Variants in HGFAC observed in about 807,000 individuals in gnomAD.
HGFAC encodes the protein hepatocyte growth factor activator serine protease.
HGFAC carries 76 observed loss-of-function variants against 70.6 expected under a neutral mutation model. The observed-to-expected ratio is 1.08, with a 90% CI of 0.89 to 1.30. The LOEUF (loss-of-function observed/expected upper bound fraction) is 1.30. Ranked by LOEUF, HGFAC falls within the 50% of genes most tolerant of loss-of-function variation. The pLI is 0.00. For missense variants in HGFAC, 1,044 were observed against 933.7 expected (o/e 1.12, Z -1.54); for synonymous variants, 464 against 405.3 (o/e 1.14, Z -1.74).
chr4:3,447,579 G>C lies in HGFAC; in HGVS notation c.1443G>C (p.Lys481Asn), dbSNP rs780276090. The part of the protein sequence containing the change: ...TDVTQTFGIE[K>N]YIPYTLYSVF... ...TGACGCAGACCTTCGGCATCGAGAA[G>C]TACATCCCGTACACCCTGTACTCGG... Residue 481 changes from lysine to asparagine, a missense_variant, in exon 11 of 14, where the codon AAG (lysine) becomes AAC (asparagine). Lys to Asn is a moderately conservative substitution (Grantham distance 94, BLOSUM62 0). Coordinates refer to ENST00000382774, the MANE Select transcript of HGFAC (RefSeq NM_001528.4). 3 of 1,612,708 alleles carry C rather than the reference G, an allele frequency of 1.9e-6. No homozygotes were observed. The highest frequency in any genetic ancestry group is 1.7e-6 in the Non-Finnish European group (2 of 1,179,918).
In HGFAC at chr4:3,442,051, G is replaced by A; in HGVS notation, c.50G>A (p.Gly17Asp). The A allele has an allele frequency of 1.3e-6, 2 of 1,545,090 alleles. No homozygotes were observed. Among genetic ancestry groups the A allele is most frequent in the South Asian group, 1.2e-5 (1 of 82,852 alleles). Reference protein sequence around the residue: ...VPSPWPPPGLGPFLLLLLLLL... With the variant: ...VPSPWPPPGLDPFLLLLLLLL... ...AGCCCCTGGCCCCCACCGGGGCTGG[G>A]CCCCTTCCTCCTCCTCCTCCTGCTG... is the stretch of plus-strand genomic sequence containing the variant. Residue 17 changes from glycine (G) to aspartate (D), a missense_variant, in exon 1 of 14, where the codon GGC becomes GAC. By Grantham distance (94) the Gly-to-Asp change is moderately conservative. Coordinates refer to ENST00000382774, the MANE Select transcript of HGFAC (RefSeq NM_001528.4).
At chr4:3,445,897 G>A (rs1725490606) in intron 9 of HGFAC, 145 bp from the exon 10 acceptor site, 1 of 1,548,890 alleles carries the variant, frequency 6.5e-7, no homozygotes, top group Admixed American at 2.0e-5. Flanking sequence ...GAGGGCAGAG[G>A]TGAGTGGGCG....
chr4:3,446,393 G>A, intron 10 of HGFAC, 99 bp downstream of exon 10: 4 of 1,440,240 alleles, frequency 2.8e-6, no homozygotes, highest in Non-Finnish European at 3.7e-6. Flanking sequence ...CCCCATCCCG[G>A]TGCCTCTGCT....
intron 10 of HGFAC, 150 bp downstream of exon 10, chr4:3,446,444 C>G (rs1373626789): frequency 2.0e-6 from 2 of 987,740 alleles, no homozygotes; most frequent in Non-Finnish European, 2.9e-6. Context: ...TCTGACCCCT[C>G]TGGGTCTTGG....
chr4:3,441,613 T>C (rs1023903436), upstream of HGFAC, among the ~76,000 whole-genome samples: 2 of 152,222 alleles, frequency 1.3e-5, no homozygotes, highest in Non-Finnish European at 2.9e-5. This position sits in a 1 kb window ranked among gnomAD's most constrained non-coding sequence, Gnocchi z 6.0. Flanking sequence ...GTAGTGGCTC[T>C]CATCATGGAC....
At chr4:3,444,475 C>T in intron 6 of HGFAC, 33 bp downstream of exon 6, 3 of 1,557,422 alleles carry the variant, frequency 1.9e-6, no homozygotes, top group Non-Finnish European at 2.6e-6. Flanking sequence ...TGCCACTGAC[C>T]CCTGACGGGT....
chr4:3,447,246 G>T (rs909324160), intron 10 of HGFAC, among the ~76,000 whole-genome samples: 2 of 152,164 alleles, frequency 1.3e-5, no homozygotes, highest in African/African-American at 4.8e-5. Flanking sequence ...GACCAGTGTT[G>T]TCAGGAGGGA....
In HGFAC at chr4:3,447,906, C is replaced by A. The variant is rs1284282704; in HGVS notation, c.1507C>A (p.Leu503Met). Residue 503 changes from leucine to methionine, a missense_variant, in exon 12 of 14, where the codon CTG becomes ATG. Physicochemically the swap from Leu to Met is conservative, Grantham distance 15. Transcript: ENST00000382774. ...ACTCTTCTGATCAGTCCTGATCCGG[C>A]TGAAGAAGAAAGGGGACCGCTGTGC... ...PSDHDLVLIR[L>M]KKKGDRCATR... 1.9e-6 allele frequency: 3 copies of A among 1,611,282 alleles called. No individual in the cohort carries two copies. Among genetic ancestry groups the A allele is most frequent in the Admixed American group, 3.3e-5 (2 of 59,868 alleles).
At position 3,447,993 on chromosome 4, in the gene HGFAC, G is replaced by C; in HGVS notation, c.1594G>C (p.Gly532Arg). The C allele has an allele frequency of 6.3e-7, 1 of 1,576,380 alleles. No individual in the cohort carries two copies. Among genetic ancestry groups the C allele is most frequent in the Non-Finnish European group, 8.6e-7 (1 of 1,161,766 alleles). The change falls in exon 12 of 14, where the codon GGA becomes CGA. Residue 532 changes from glycine (G) to arginine (R), a missense_variant. Physicochemically the swap from Gly to Arg is moderately radical, Grantham distance 125. Transcript: ENST00000382774. ...LPEPGSTFPA[G>R]HKCQIAGWGH... ...CGAGCCCGGCAGCACCTTCCCCGCAGGACACAAGTGCCAGATTGCGGGCTG... is the reference window on the plus strand; with the variant it reads ...CGAGCCCGGCAGCACCTTCCCCGCACGACACAAGTGCCAGATTGCGGGCTG...
Position 3,444,179 on chromosome 4 carries a change from GGT to G in HGFAC, c.598+19_598+20del. 2 of 1,586,642 alleles carry G rather than the reference GGT, an allele frequency of 1.3e-6. No homozygotes were observed. The highest frequency in any genetic ancestry group is 1.7e-6 in the Non-Finnish European group (2 of 1,167,762). ...CGGCACAGGTGAGCTGGGCCTCGGA[GGT>G]CCGCAGGGGTCCAGGGGCCGGAGCA... On this transcript the variant is annotated intron_variant, in intron 5 of 13. Coordinates refer to ENST00000382774, the MANE Select transcript of HGFAC (RefSeq NM_001528.4).
intron 13 of HGFAC, among the ~76,000 whole-genome samples, chr4:3,448,642 A>G (rs1289650239): frequency 2.7e-5 from 4 of 145,704 alleles, no homozygotes; most frequent in African/African-American, 1.1e-4. Context: ...TCAACCTTCA[A>G]TAAGTTCTTC....
chr4:3,448,360 C>T, intron 13 of HGFAC, 84 bp downstream of exon 13: 4 of 1,495,234 alleles, frequency 2.7e-6, no homozygotes, highest in Non-Finnish European at 3.6e-6. Flanking sequence ...CCCTGGGGAG[C>T]CCAGAGCCTG....
intron 10 of HGFAC, 134 bp downstream of exon 10, chr4:3,446,428 A>C: frequency 9.3e-7 from 1 of 1,080,896 alleles, no homozygotes; most frequent in South Asian, 1.6e-5. Flanking sequence ...GTCCCCGGTA[A>C]CCCTCTCTGA....
chr4:3,446,561 A>G (rs16844391), intron 10 of HGFAC, among the ~76,000 whole-genome samples: 3,984 of 152,144 alleles, frequency 0.026, 158 homozygotes, highest in African/African-American at 0.089. Flanking sequence ...GCCTGCGGAG[A>G]GTGCAGTGGG....
At chr4:3,448,341 G>A (rs1211341753) in intron 13 of HGFAC, 65 bp downstream of exon 13, 4 of 1,549,694 alleles carry the variant, frequency 2.6e-6, no homozygotes, top group Admixed American at 1.8e-5. Context: ...GAGTCTCCGA[G>A]ATGCTTGCCC....
chr4:3,447,621 C>T lies in HGFAC; in HGVS notation c.1485C>T (p.Asp495=). The part of the protein sequence containing the change: ...YTLYSVFNPS[D]HDLVLIRLKK... ...TGTACTCGGTGTTCAACCCCAGCGACCACGACCTCGGTGAGCTCCGGCGTG... is the reference window on the plus strand; with the variant it reads ...TGTACTCGGTGTTCAACCCCAGCGATCACGACCTCGGTGAGCTCCGGCGTG... Residue 495 remains aspartate (D), a synonymous_variant, in exon 11 of 14, where the codon GAC becomes GAT. Coordinates refer to ENST00000382774, the MANE Select transcript of HGFAC (RefSeq NM_001528.4). 2 of 1,612,650 alleles carry T rather than the reference C, an allele frequency of 1.2e-6. No individual in the cohort carries two copies. Among genetic ancestry groups the T allele is most frequent in the Non-Finnish European group, 1.7e-6 (2 of 1,179,868 alleles).
At chr4:3,441,557 G>C (rs1278263771), upstream of HGFAC, among the ~76,000 whole-genome samples, 1 of 152,170 alleles carries the variant, frequency 6.6e-6, no homozygotes, top group Non-Finnish European at 1.5e-5. The surrounding 1 kb of genome is among the most constrained non-coding windows in gnomAD (Gnocchi z 6.0). Flanking sequence ...GCTACTGTCT[G>C]TGCTGTGCTG....
chr4:3,447,883 T>G lies in HGFAC; in HGVS notation c.1496-12T>G. The G allele has an allele frequency of 6.2e-7, 1 of 1,607,278 alleles. No homozygotes were observed. Among genetic ancestry groups the G allele is most frequent in the Non-Finnish European group, 8.5e-7 (1 of 1,176,138 alleles). On this transcript the variant is annotated splice_polypyrimidine_tract_variant and intron_variant, in intron 11 of 13. Coordinates refer to ENST00000382774, the MANE Select transcript of HGFAC (RefSeq NM_001528.4). Reference sequence around the variant, plus strand: ...CACACCACAGGCTGACCCTGGCCACTCTTCTGATCAGTCCTGATCCGGCTG... The same window carrying G: ...CACACCACAGGCTGACCCTGGCCACGCTTCTGATCAGTCCTGATCCGGCTG...
chr4:3,445,774 G>A (rs1176016538), intron 9 of HGFAC: 2 of 1,147,332 alleles, frequency 1.7e-6, no homozygotes, highest in Admixed American at 2.0e-5. Flanking sequence ...GGGGCTGGCT[G>A]TGGGGTTCCG....
Sources: allele counts gnomAD v4.1 joint callset (sites outside exome capture counted in the v4.1 genomes callset), GRCh38; gene constraint gnomAD v4.1.1; non-coding constraint Gnocchi (gnomAD v3.1); transcripts MANE v1.5; gene names NCBI Gene and HGNC (gene_info 2026-07-23, HGNC 2026-07-21).